The following AASS variants were observed in gnomAD, a reference collection of about 807,000 sequenced individuals.
AASS encodes the protein alpha-aminoadipic semialdehyde synthase, mitochondrial.
Under a neutral mutation model 105.4 loss-of-function variants are expected in AASS, and 86 were observed. The ratio of observed to expected loss-of-function variants is 0.82; its 90% CI spans 0.69 to 0.98. The LOEUF (loss-of-function observed/expected upper bound fraction) is 0.98, where lower values mean the gene tolerates loss of function less well. Among genes scored for constraint, AASS ranks in the 50% least tolerant of loss-of-function variants. The pLI is 0.00. For missense variants in AASS, 1,048 were observed against 1,143.2 expected (o/e 0.92, Z 1.20); for synonymous variants, 381 against 394.8 (o/e 0.96, Z 0.41).
chr7:122,114,962 A>G, intron 9 of AASS, 112 bp downstream of exon 9: 2 of 1,438,146 alleles, frequency 1.4e-6, no homozygotes, highest in Non-Finnish European at 2.0e-6. Context: ...CAAGAAAGAT[A>G]AGGCAGAGAA....
At chr7:122,121,446 G>A (rs1795437056) in intron 4 of AASS, among the ~76,000 whole-genome samples, 1 of 152,112 alleles carries the variant, frequency 6.6e-6, no homozygotes, top group Non-Finnish European at 1.5e-5. Context: ...CCAGGCTGGA[G>A]TGTAGTGGCA....
chr7:122,098,917 T>A (rs567438251), intron 13 of AASS, 51 bp from the exon 14 acceptor site: 240 of 1,455,472 alleles, frequency 1.6e-4, no homozygotes, highest in Non-Finnish European at 1.9e-4. Context: ...TAATTAAAAA[T>A]TTTTTTTTAA....
chr7:122,077,993 A>G lies in AASS; in HGVS notation c.2507T>C (p.Ile836Thr). The part of the protein sequence containing the change: ...LSYGPEEKDM[I>T]VMRDSFGIRH... ...GATTCCAAAGCTGTCTCTCATCACA[A>G]TCATATCTTTTTCTTCAGGACCTTA... The change falls in exon 23 of 24, where the codon ATT (isoleucine) becomes ACT (threonine). Residue 836 changes from isoleucine (I) to threonine (T), a missense_variant. By Grantham distance (89) the Ile-to-Thr change is moderately conservative. Coordinates refer to ENST00000417368, the MANE Select transcript of AASS (RefSeq NM_005763.4). The G allele has an allele frequency of 6.2e-7, 1 of 1,614,122 alleles. No individual in the cohort carries two copies. The highest frequency in any genetic ancestry group is 8.5e-7 in the Non-Finnish European group (1 of 1,179,984).
chr7:122,109,549 A>T (rs1336664801), intron 11 of AASS, among the ~76,000 whole-genome samples: 1 of 152,124 alleles, frequency 6.6e-6, no homozygotes, highest in African/African-American at 2.4e-5. Flanking sequence ...ACATTAAGGG[A>T]AGAAGAGTCT....
In AASS at chr7:122,078,861, C is replaced by T; in HGVS notation, c.2485+1G>A. 1.2e-6 allele frequency: 2 copies of T among 1,613,306 alleles called. No homozygotes were observed. Among genetic ancestry groups the T allele is most frequent in the Non-Finnish European group, 1.7e-6 (2 of 1,179,328 alleles). The stretch of plus-strand genomic sequence containing the variant: ...TATTTAGCTAATACTTCATGGCCTA[C>T]CATAGGAAAGCTTCATGACCAAATG... On this transcript the variant is annotated splice_donor_variant, in intron 22 of 23. Coordinates refer to ENST00000417368, the MANE Select transcript of AASS (RefSeq NM_005763.4). LOFTEE classifies it high-confidence loss of function.
At chr7:122,080,579 G>A (rs958286780) in intron 20 of AASS, among the ~76,000 whole-genome samples, 1 of 152,118 alleles carries the variant, frequency 6.6e-6, no homozygotes, top group Non-Finnish European at 1.5e-5. Flanking sequence ...AGATTGGAAA[G>A]GTTCACAAAT....
chr7:122,078,438 C>T (rs12530583), intron 22 of AASS, among the ~76,000 whole-genome samples: 31,767 of 151,804 alleles, frequency 0.21, 3,595 homozygotes, highest in African/African-American at 0.3. Flanking sequence ...ATGGTGAAAC[C>T]TTGTCTCTAC....
chr7:122,113,240 C>G lies in AASS; in HGVS notation c.1167-11G>C. On this transcript the variant is annotated splice_polypyrimidine_tract_variant and intron_variant, in intron 10 of 23. Coordinates refer to ENST00000417368, the MANE Select transcript of AASS (RefSeq NM_005763.4). ...CCCGAGCCTTCAACACTAAAAGCAGCAATGTGGTTTATTCAGAAGCACAAA... is the reference window on the plus strand; with the variant it reads ...CCCGAGCCTTCAACACTAAAAGCAGGAATGTGGTTTATTCAGAAGCACAAA... 1 of 1,610,346 alleles carries G rather than the reference C, an allele frequency of 6.2e-7. No individual in the cohort carries two copies. Among genetic ancestry groups the G allele is most frequent in the Non-Finnish European group, 8.5e-7 (1 of 1,176,650 alleles).
chr7:122,085,445 C>T (rs1006670099), intron 19 of AASS, among the ~76,000 whole-genome samples: 3 of 151,840 alleles, frequency 2.0e-5, no homozygotes, highest in Non-Finnish European at 2.9e-5. Context: ...TGGATTTGCT[C>T]TGGGGAAGCC....
At chr7:122,132,642 G>A (rs1348255850) in intron 2 of AASS, among the ~76,000 whole-genome samples, 4 of 152,120 alleles carry the variant, frequency 2.6e-5, no homozygotes, top group Admixed American at 2.0e-4. Flanking sequence ...GCCATGGGAA[G>A]AACATATATC....
At chr7:122,112,341 C>T (rs1442080303) in intron 11 of AASS, among the ~76,000 whole-genome samples, 1 of 152,152 alleles carries the variant, frequency 6.6e-6, no homozygotes, top group Non-Finnish European at 1.5e-5. Context: ...TGCTACATCT[C>T]CCTGTTGACA....
chr7:122,101,216 C>T (rs759646940), intron 13 of AASS, among the ~76,000 whole-genome samples, 155 bp downstream of exon 13: 1 of 151,854 alleles, frequency 6.6e-6, no homozygotes, highest in Non-Finnish European at 1.5e-5. Context: ...TTCAGCCAGC[C>T]ACTTAGTTTG....
In AASS at chr7:122,113,707, A is replaced by T; in HGVS notation, c.1057T>A (p.Cys353Ser). Reference protein sequence around the residue: ...PALPHKLVAICDISADTGGSI... With the variant: ...PALPHKLVAISDISADTGGSI... ...CCTCCTGTGTCAGCTGAAATGTCAC[A>T]TATTGCCACGAGTCTGAAAATAACA... Residue 353 changes from cysteine to serine, a missense_variant, in exon 10 of 24, where the codon TGT (cysteine) becomes AGT (serine). Physicochemically the swap from Cys to Ser is moderately radical, Grantham distance 112. Coordinates refer to ENST00000417368, the MANE Select transcript of AASS (RefSeq NM_005763.4). The T allele has an allele frequency of 6.2e-7, 1 of 1,613,304 alleles. No homozygotes were observed. The highest frequency in any genetic ancestry group is 8.5e-7 in the Non-Finnish European group (1 of 1,179,894).
At chr7:122,099,043 T>C (rs191230210) in intron 13 of AASS, among the ~76,000 whole-genome samples, 177 bp from the exon 14 acceptor site, 2 of 151,946 alleles carry the variant, frequency 1.3e-5, no homozygotes, top group Admixed American at 6.6e-5. Context: ...TATAACAACA[T>C]GTTTCTTTAA....
rs1215149157 is a variant in AASS, at chr7:122,116,626, T to C, written c.894+7A>G. ...CAACCAACTTAAAAGGTGAATATGA[T>C]ACTCACATCAGTATTAAAACGACTT... On this transcript the variant is annotated splice_region_variant and intron_variant, in intron 8 of 23. Coordinates refer to ENST00000417368, the MANE Select transcript of AASS (RefSeq NM_005763.4). 1 of 1,614,074 alleles carries C rather than the reference T, an allele frequency of 6.2e-7. No individual in the cohort carries two copies.
At chr7:122,100,449 A>G (rs578060089) in intron 13 of AASS, among the ~76,000 whole-genome samples, 246 of 152,066 alleles carry the variant, frequency 1.6e-3, no homozygotes, top group African/African-American at 4.9e-3. Flanking sequence ...TTATGCCAGT[A>G]TATTTCACTG....
In AASS at chr7:122,098,477, A is replaced by G; in HGVS notation, c.1628T>C (p.Leu543Ser). 1 of 1,612,292 alleles carries G rather than the reference A, an allele frequency of 6.2e-7. No homozygotes were observed. Among genetic ancestry groups the G allele is most frequent in the Non-Finnish European group, 8.5e-7 (1 of 1,178,836 alleles). The change falls in exon 15 of 24, where the codon TTG (leucine) becomes TCG (serine). Residue 543 changes from leucine to serine, a missense_variant. Transcript: ENST00000417368. ...ICKQEEKLGFLVAKQDLVISL... is the reference protein window; with the variant it reads ...ICKQEEKLGFSVAKQDLVISL... ...GATGACAAGATCCTGTTTTGCCACC[A>G]AGAAGCCCAGCTTCTCTTCTTGTTT... is the stretch of plus-strand genomic sequence containing the variant.
intron 6 of AASS, among the ~76,000 whole-genome samples, chr7:122,117,715 G>C (rs2150538242): frequency 6.6e-6 from 1 of 151,820 alleles, no homozygotes; most frequent in South Asian, 2.1e-4. Flanking sequence ...GAGTGCAGTG[G>C]TGCAATCTCG....
At chr7:122,084,459 C>A (rs1562905099) in intron 19 of AASS, among the ~76,000 whole-genome samples, 1 of 152,088 alleles carries the variant, frequency 6.6e-6, no homozygotes, top group South Asian at 2.1e-4. Flanking sequence ...TGGTTGTTTT[C>A]TTTTTAAGAA....
Sources: gnomAD v4.1 joint callset for allele counts (sites outside exome capture counted in the v4.1 genomes callset) on GRCh38, gnomAD v4.1.1 for gene constraint, MANE v1.5 for transcripts, NCBI Gene and HGNC (gene_info 2026-07-23, HGNC 2026-07-21) for gene names.